The following CDH2 variants were observed in gnomAD, a reference collection of about 807,000 sequenced individuals.
CDH2 encodes cadherin 2.
In CDH2, 17 loss-of-function variants were observed where a neutral mutation model predicts 92.0. The ratio of observed to expected loss-of-function variants is 0.18; its 90% CI spans 0.13 to 0.28. CDH2 has a LOEUF of 0.28. CDH2 is among the 10% of genes least tolerant of loss of function. The probability of loss-of-function intolerance (pLI) is 1.00; values close to 1 mark genes in which losing one functional copy is unlikely to be tolerated. For missense variants in CDH2, 862 were observed against 1,133.1 expected, an observed-to-expected ratio of 0.76 and a Z score of 3.44; for synonymous variants, 419 against 415.9, an observed-to-expected ratio of 1.01 and a Z score of -0.09.
At chr18:28,005,147 G>A (rs910063977) in intron 6 of CDH2, among the ~76,000 whole-genome samples, 10 of 152,150 alleles carry the variant, frequency 6.6e-5, no homozygotes, top group East Asian at 5.8e-4. Context: ...GTTTTCTAGC[G>A]GCCTGGCTTT....
chr18:28,172,800 T>C (rs1383741583), intron 1 of CDH2, among the ~76,000 whole-genome samples: 1 of 152,162 alleles, frequency 6.6e-6, no homozygotes, highest in Non-Finnish European at 1.5e-5. Context: ...GTAGTGTATA[T>C]ACGAACACAA....
chr18:27,997,634 T>C (rs1215546922), intron 7 of CDH2, among the ~76,000 whole-genome samples: 2 of 152,130 alleles, frequency 1.3e-5, no homozygotes, highest in African/African-American at 4.8e-5. Flanking sequence ...AATTAAACGA[T>C]GACCTTGGGA....
At chr18:28,031,939 G>A (rs1482935621) in intron 2 of CDH2, among the ~76,000 whole-genome samples, 1 of 152,024 alleles carries the variant, frequency 6.6e-6, no homozygotes, top group African/African-American at 2.4e-5. Context: ...TTTTTCAGCT[G>A]GTTTTACTAG....
At position 28,109,109 on chromosome 18, in the gene CDH2, G is replaced by C. The variant is rs189101637; in HGVS notation, c.172+38564C>G. 4.0e-3 allele frequency among the ~76,000 whole-genome samples: 608 copies of C among 152,244 alleles called. 7 individuals are homozygous for C. Among genetic ancestry groups the C allele is most frequent in the African/African-American group, 0.014 (589 of 41,548 alleles). ...TTAGGCTGCTAATGACCTAAATACTGTATCTACAAACTCCTATTACTGGAG... is the reference window on the plus strand; with the variant it reads ...TTAGGCTGCTAATGACCTAAATACTCTATCTACAAACTCCTATTACTGGAG... On this transcript the variant is annotated intron_variant, in intron 2 of 15. Transcript: ENST00000269141.
chr18:28,038,926 A>G (rs370478481), intron 2 of CDH2, among the ~76,000 whole-genome samples: 12 of 152,280 alleles, frequency 7.9e-5, no homozygotes, highest in Admixed American at 6.5e-4. Flanking sequence ...ACAACATTTG[A>G]GTACCTACTG....
intron 14 of CDH2, among the ~76,000 whole-genome samples, chr18:27,973,626 T>C (rs1306830327): frequency 6.6e-6 from 1 of 152,232 alleles, no homozygotes; most frequent in East Asian, 1.9e-4. Flanking sequence ...AGGGTTCTCA[T>C]ACAATCTCCA....
intron 2 of CDH2, among the ~76,000 whole-genome samples, chr18:28,049,499 C>G (rs897604098): frequency 6.6e-6 from 1 of 152,152 alleles, no homozygotes; most frequent in African/African-American, 2.4e-5. Context: ...ATTGATAACA[C>G]GGGTGGAAAA....
intron 7 of CDH2, among the ~76,000 whole-genome samples, chr18:27,996,284 A>G (rs1419511797): frequency 6.6e-6 from 1 of 152,110 alleles, no homozygotes; most frequent in Non-Finnish European, 1.5e-5. Context: ...CACAGAGTGA[A>G]CATTTTGGGT....
At chr18:28,006,825 G>GT (rs2012938082) in intron 5 of CDH2, among the ~76,000 whole-genome samples, 1 of 151,358 alleles carries the variant, frequency 6.6e-6, no homozygotes. Flanking sequence ...TTTGACACTA[G>GT]TTTTTTTCTT....
intron 2 of CDH2, among the ~76,000 whole-genome samples, chr18:28,025,383 C>A (rs565334328): frequency 6.6e-6 from 1 of 151,508 alleles, no homozygotes; most frequent in Non-Finnish European, 1.5e-5. Context: ...CCAGGCGTGG[C>A]GGTGTACACC....
chr18:27,936,710 T>A (rs1909028442), intron 6 of CDH2, among the ~76,000 whole-genome samples: 1 of 152,136 alleles, frequency 6.6e-6, no homozygotes, highest in African/African-American at 2.4e-5. Context: ...TTTTATGCTA[T>A]TTTTTGTAGA....
chr18:28,147,930 T>C, intron 1 of CDH2, 146 bp from the exon 2 acceptor site: 1 of 595,370 alleles, frequency 1.7e-6, no homozygotes, highest in Non-Finnish European at 3.0e-6. Flanking sequence ...AATTAGAATG[T>C]AGAGGGCAAA....
intron 2 of CDH2, among the ~76,000 whole-genome samples, chr18:28,034,206 T>C (rs2013769313): frequency 6.6e-6 from 1 of 152,042 alleles, no homozygotes; most frequent in Non-Finnish European, 1.5e-5. Flanking sequence ...GGACTCTCAC[T>C]AGATGACTAC....
chr18:28,165,708 T>C (rs2016367727), intron 1 of CDH2, among the ~76,000 whole-genome samples: 1 of 147,410 alleles, frequency 6.8e-6, no homozygotes, highest in African/African-American at 2.7e-5. Flanking sequence ...GAGTCCCCAA[T>C]CTTTTTTTTT....
intron 2 of CDH2, among the ~76,000 whole-genome samples, chr18:28,059,056 CAAACTCTTGGTATT>C (rs1013943312): frequency 7.9e-5 from 12 of 152,268 alleles, no homozygotes; most frequent in Admixed American, 5.9e-4. Context: ...GCACTAACTC[CAAACTCTTGGTATT>C]ATCCTCCTGA....
chr18:27,959,781 C>G (rs1029177837), intron 15 of CDH2, among the ~76,000 whole-genome samples: 7 of 152,234 alleles, frequency 4.6e-5, no homozygotes, highest in African/African-American at 1.7e-4. Context: ...GTCTCCAACT[C>G]TAGGGGCATT....
chr18:28,120,139 G>A (rs2015562795), intron 2 of CDH2, among the ~76,000 whole-genome samples: 2 of 151,830 alleles, frequency 1.3e-5, no homozygotes, highest in African/African-American at 2.4e-5. Flanking sequence ...TAAACCAAGT[G>A]AACAAAAACC....
chr18:28,118,567 T>C (rs1008202550), intron 2 of CDH2, among the ~76,000 whole-genome samples: 7 of 151,650 alleles, frequency 4.6e-5, no homozygotes, highest in African/African-American at 1.7e-4. Context: ...ACAGTTTAAT[T>C]AGTCTGTTTT....
At chr18:27,983,139 T>G (rs1239716437) in intron 13 of CDH2, 56 bp from the exon 14 acceptor site, 4 of 1,406,314 alleles carry the variant, frequency 2.8e-6, no homozygotes, top group Non-Finnish European at 4.0e-6. Context: ...GCCTGGCCTA[T>G]TTAGTCACAG....
Sources: allele counts gnomAD v4.1 joint callset (sites outside exome capture counted in the v4.1 genomes callset), GRCh38; gene constraint gnomAD v4.1.1; transcripts MANE v1.5; gene names NCBI Gene and HGNC (gene_info 2026-07-23, HGNC 2026-07-21).